MNS1: variants seen among roughly 807,000 people sequenced by gnomAD.
MNS1 encodes the protein meiosis-specific nuclear structural protein 1.
MNS1 carries 63 observed loss-of-function variants against 72.0 expected under a neutral mutation model. That is an observed-to-expected ratio of 0.87 (90% CI 0.71 to 1.08). MNS1 has a LOEUF of 1.08. MNS1 is among the 50% of genes least tolerant of loss of function. The pLI, the probability that MNS1 is intolerant of heterozygous loss-of-function variation, is 0.00. For synonymous variants in MNS1, 188 were observed against 172.1 expected (o/e 1.09, Z -0.72); for missense variants, 604 against 562.4 (o/e 1.07, Z -0.75).
intron 8 of MNS1, among the ~76,000 whole-genome samples, chr15:56,432,897 A>T (rs1377175982): frequency 2.0e-5 from 3 of 152,184 alleles, no homozygotes; most frequent in Non-Finnish European, 2.9e-5. Flanking sequence ...TCTTCCTCTA[A>T]ATTCTTCTCT....
At chr15:56,435,030 C>T (rs754946253) in intron 7 of MNS1, among the ~76,000 whole-genome samples, 1 of 151,854 alleles carries the variant, frequency 6.6e-6, no homozygotes, top group Non-Finnish European at 1.5e-5. Context: ...TATAATTTTA[C>T]AATGGTCACT....
At chr15:56,446,145 T>C (rs1272145497) in intron 4 of MNS1, 1 of 152,056 alleles carries the variant, frequency 6.6e-6, no homozygotes, top group African/African-American at 2.4e-5. Context: ...CATAAGAGTG[T>C]GTGTGTGTGT....
chr15:56,434,090 T>C (rs2050672664), intron 8 of MNS1, 48 bp downstream of exon 8: 5 of 1,570,114 alleles, frequency 3.2e-6, no homozygotes, highest in African/African-American at 1.4e-5. Context: ...AGATGAGCTA[T>C]TGCTGTTTAA....
chr15:56,461,986 T>G lies in MNS1; in HGVS notation c.225+2040A>C, dbSNP rs1267610990. Among the ~76,000 whole-genome samples the G allele has an allele frequency of 7.4e-3, 1,003 of 135,934 alleles. 12 individuals are homozygous for G. The highest frequency in any genetic ancestry group is 0.025 in the African/African-American group (895 of 36,308). The allele number at this position is 135,934 out of a possible 152,430, so 89.2% of individuals were successfully genotyped here. On this transcript the variant is annotated intron_variant, in intron 2 of 9. Transcript: ENST00000260453. ...GTTTTTTTGTTGTTGTTTTTTTTTT[T>G]TTTTTTTTTTTTTTTTTTTTTTTTG...
At chr15:56,446,321 C>T (rs1487215068) in intron 4 of MNS1, among the ~76,000 whole-genome samples, 1 of 151,924 alleles carries the variant, frequency 6.6e-6, no homozygotes, top group Non-Finnish European at 1.5e-5. Context: ...CAAAGCACTC[C>T]TAGTGAGTAT....
rs114743287 is a variant in MNS1, at chr15:56,451,827, G to T, written c.353+4567C>A. Among the ~76,000 whole-genome samples the T allele has an allele frequency of 1.7e-3, 261 of 152,236 alleles. 1 individual carries two copies. Among genetic ancestry groups the T allele is most frequent in the African/African-American group, 6.0e-3 (250 of 41,556 alleles). ...GGAGCATCTGTACTTTTTGACCAAA[G>T]GGTAATGTGAAGCACATTTTTAAAT... On this transcript the variant is annotated intron_variant, in intron 3 of 9. Transcript: ENST00000260453.
chr15:56,444,701 C>T (rs753698076), intron 4 of MNS1, 28 bp from the exon 5 acceptor site: 21 of 1,570,064 alleles, frequency 1.3e-5, no homozygotes, highest in East Asian at 2.2e-5. Flanking sequence ...TTGATCTTTC[C>T]GTTTTCAAAT....
At position 56,459,779 on chromosome 15, in the gene MNS1, T is replaced by G. The variant is rs1224907859; in HGVS notation, c.226-3258A>C. Among the ~76,000 whole-genome samples, 14 of 150,994 alleles carry G rather than the reference T, an allele frequency of 9.3e-5. No individual in the cohort carries two copies. In the East Asian group the frequency reaches 2.5e-3, roughly 27 times the overall value. On this transcript the variant is annotated intron_variant, in intron 2 of 9. Coordinates refer to ENST00000260453, the MANE Select transcript of MNS1 (RefSeq NM_018365.4). ...GCCGAAGAGGACAGATCATCTTAGG[T>G]TGGGAGTTGGAGACGAGCCTGACCA...
chr15:56,434,308 C>G lies in MNS1; in HGVS notation c.1099G>C (p.Ala367Pro). ...QMALKELVLQAAKEEEENFRK... is the reference protein window; with the variant it reads ...QMALKELVLQPAKEEEENFRK... ...AAGTTCTCCTCTTCCTCTTTTGCAG[C>G]CTGTAGCACTAATTCCTTCAAGGCC... Residue 367 changes from alanine (A) to proline (P), a missense_variant, in exon 8 of 10, where the codon GCT (alanine) becomes CCT (proline). Coordinates refer to ENST00000260453, the MANE Select transcript of MNS1 (RefSeq NM_018365.4). The G allele has an allele frequency of 6.2e-7, 1 of 1,613,890 alleles. No homozygotes were observed. The highest frequency in any genetic ancestry group is 8.5e-7 in the Non-Finnish European group (1 of 1,179,898).
intron 2 of MNS1, among the ~76,000 whole-genome samples, chr15:56,459,682 T>C (rs2051003913): frequency 6.6e-6 from 1 of 151,724 alleles, no homozygotes; most frequent in South Asian, 2.1e-4. Context: ...GAGACAAAGA[T>C]TGGAGAAGAA....
chr15:56,434,195 G>C lies in MNS1; in HGVS notation c.1212C>G (p.His404Gln). Residue 404 changes from histidine to glutamine, a missense_variant, in exon 8 of 10, where the codon CAC becomes CAG. Coordinates refer to ENST00000260453, the MANE Select transcript of MNS1 (RefSeq NM_018365.4). ...AQKQRMKQLE[H>Q]RRAVEKLIEE... ...CAATAAGTTTTTCCACAGCCCTCCT[G>C]TGTTCCAGCTGCTTCATTCTTTGTT... 6.2e-7 allele frequency: 1 copy of C among 1,613,894 alleles called. No individual in the cohort carries two copies. The highest frequency in any genetic ancestry group is 8.5e-7 in the Non-Finnish European group (1 of 1,179,878).
At chr15:56,447,060 AT>A in intron 3 of MNS1, 117 bp from the exon 4 acceptor site, 1 of 674,156 alleles carries the variant, frequency 1.5e-6, no homozygotes, top group Non-Finnish European at 2.5e-6. Context: ...AGCGGGTATT[AT>A]TTTAGATCCA....
At chr15:56,433,662 A>G (rs186959467) in intron 8 of MNS1, among the ~76,000 whole-genome samples, 40 of 152,178 alleles carry the variant, frequency 2.6e-4, no homozygotes, top group Non-Finnish European at 5.4e-4. Context: ...TCTACCTTCA[A>G]TGCTCTCACT....
At chr15:56,459,153 T>C (rs541265200) in intron 2 of MNS1, among the ~76,000 whole-genome samples, 30 of 152,342 alleles carry the variant, frequency 2.0e-4, no homozygotes, top group African/African-American at 7.2e-4. Context: ...TACTTATCTA[T>C]TTTTTGTCTC....
At chr15:56,440,868 G>A (rs1030926324) in intron 7 of MNS1, among the ~76,000 whole-genome samples, 6 of 151,918 alleles carry the variant, frequency 3.9e-5, no homozygotes, top group African/African-American at 1.5e-4. Flanking sequence ...ACTATATTTT[G>A]TTTATCCATT....
intron 8 of MNS1, 57 bp downstream of exon 8, chr15:56,434,081 G>C (rs2050672528): frequency 1.3e-6 from 2 of 1,531,780 alleles, no homozygotes; most frequent in Non-Finnish European, 1.8e-6. Context: ...GTGGATGATA[G>C]ATGAGCTATT....
chr15:56,434,348 A>T lies in MNS1; in HGVS notation c.1059T>A (p.Asp353Glu). The T allele has an allele frequency of 6.2e-7, 1 of 1,613,312 alleles. No homozygotes were observed. The highest frequency in any genetic ancestry group is 1.1e-5 in the South Asian group (1 of 90,992). ...KLRKQKEMKQ[D>E]FEEQMALKEL... Reference sequence around the variant, plus strand: ...CCTTCAAGGCCATTTGTTCTTCAAAATCTTGCTTCATCTCTTTTTGCTTTC... The same window carrying T: ...CCTTCAAGGCCATTTGTTCTTCAAATTCTTGCTTCATCTCTTTTTGCTTTC... The change falls in exon 8 of 10, where the codon GAT becomes GAA. Residue 353 changes from aspartate to glutamate, a missense_variant. Coordinates refer to ENST00000260453, the MANE Select transcript of MNS1 (RefSeq NM_018365.4).
intron 9 of MNS1, chr15:56,429,834 A>AT (rs1443117166): frequency 6.6e-6 from 1 of 152,200 alleles, no homozygotes; most frequent in Non-Finnish European, 1.5e-5. Context: ...GATAAAGGTC[A>AT]TTTTTGGATA....
intron 7 of MNS1, among the ~76,000 whole-genome samples, chr15:56,435,827 G>A (rs555441079): frequency 6.6e-6 from 1 of 152,122 alleles, no homozygotes; most frequent in African/African-American, 2.4e-5. Flanking sequence ...TATGAAGATA[G>A]TATTACCCCG....
Sources: allele counts gnomAD v4.1 joint callset (sites outside exome capture counted in the v4.1 genomes callset), GRCh38; gene constraint gnomAD v4.1.1; transcripts MANE v1.5; gene names NCBI Gene and HGNC (gene_info 2026-07-23, HGNC 2026-07-21).